CNTNAP2: variants seen among roughly 807,000 people sequenced by gnomAD.
CNTNAP2 encodes contactin associated protein 2.
In CNTNAP2, 98 loss-of-function variants were observed where a neutral mutation model predicts 155.2. That is an observed-to-expected ratio of 0.63 (90% confidence interval 0.54 to 0.75). The LOEUF is 0.75. Ranked by LOEUF, CNTNAP2 falls within the 30% of genes least tolerant of loss-of-function variation. The pLI, the probability that CNTNAP2 is intolerant of heterozygous loss-of-function variation, is 0.00. For missense variants in CNTNAP2, 1,727 were observed against 1,688.1 expected (o/e 1.02, Z -0.40); for synonymous variants, 651 against 631.2 (o/e 1.03, Z -0.47).
At chr7:146,980,210 G>C (rs996369603) in intron 3 of CNTNAP2, among the ~76,000 whole-genome samples, 1 of 151,862 alleles carries the variant, frequency 6.6e-6, no homozygotes, top group African/African-American at 2.4e-5. Context: ...GTTGGTGGGG[G>C]TTACCTATGT....
chr7:146,675,557 T>C (rs530083717), intron 1 of CNTNAP2, among the ~76,000 whole-genome samples: 3 of 152,270 alleles, frequency 2.0e-5, no homozygotes, highest in Non-Finnish European at 4.4e-5. Context: ...TGAAACAAAA[T>C]AAGTATTCAG....
intron 15 of CNTNAP2, among the ~76,000 whole-genome samples, chr7:148,090,384 T>C (rs1364266762): frequency 6.6e-6 from 1 of 152,030 alleles, no homozygotes; most frequent in Non-Finnish European, 1.5e-5. Flanking sequence ...GTCCAAAAGG[T>C]ATAAGGAATT....
intron 10 of CNTNAP2, among the ~76,000 whole-genome samples, chr7:147,416,406 A>G (rs890654625): frequency 1.3e-5 from 2 of 152,162 alleles, no homozygotes; most frequent in Non-Finnish European, 2.9e-5. Flanking sequence ...CTCCACATTG[A>G]GCCAATAAAG....
At chr7:147,815,464 T>C (rs1239089843) in intron 13 of CNTNAP2, among the ~76,000 whole-genome samples, 1 of 151,896 alleles carries the variant, frequency 6.6e-6, no homozygotes, top group African/African-American at 2.4e-5. Context: ...GGCCCCGACA[T>C]CTCAGAGCCA....
chr7:146,850,280 T>C (rs555633599), intron 3 of CNTNAP2, among the ~76,000 whole-genome samples: 3 of 152,338 alleles, frequency 2.0e-5, no homozygotes, highest in Admixed American at 1.3e-4. Context: ...GAGATAAGTA[T>C]CTGCATTTCT....
intron 15 of CNTNAP2, among the ~76,000 whole-genome samples, chr7:148,015,604 G>A (rs1191353908): frequency 6.6e-6 from 1 of 152,176 alleles, no homozygotes; most frequent in South Asian, 2.1e-4. Context: ...TGTATCCAGT[G>A]TGCTAACTGA....
chr7:146,643,656 T>C (rs1419715216), intron 1 of CNTNAP2, among the ~76,000 whole-genome samples: 1 of 152,182 alleles, frequency 6.6e-6, no homozygotes, highest in African/African-American at 2.4e-5. Context: ...CTTTTTTTGG[T>C]TCCATATGAA....
chr7:147,469,732 A>T (rs185554963), intron 10 of CNTNAP2, among the ~76,000 whole-genome samples: 12 of 151,610 alleles, frequency 7.9e-5, no homozygotes, highest in Admixed American at 4.6e-4. Context: ...GTTAGCCAGG[A>T]TGATCTCGAT....
intron 1 of CNTNAP2, among the ~76,000 whole-genome samples, chr7:146,578,086 C>T (rs886357490): frequency 6.6e-6 from 1 of 152,014 alleles, no homozygotes; most frequent in African/African-American, 2.4e-5. Context: ...TTATTTGTTC[C>T]TAATTTCTTT....
chr7:147,472,133 C>G (rs940975416), intron 10 of CNTNAP2, among the ~76,000 whole-genome samples: 2 of 150,442 alleles, frequency 1.3e-5, no homozygotes, highest in Non-Finnish European at 3.0e-5. Context: ...GGTAGCAGAT[C>G]ATGCAAAAAC....
rs76180010 is a variant in CNTNAP2 at position 147,625,718 on chromosome 7, C to G, written c.1898-13388C>G. ...AGACTCACACTGTGATCTGTTGCTC[C>G]AAGAACCAACAAAGGAACATACCAG... On this transcript the variant is annotated intron_variant, in intron 12 of 23. Coordinates refer to ENST00000361727, the MANE Select transcript of CNTNAP2 (RefSeq NM_014141.6). 4.7e-4 allele frequency among the ~76,000 whole-genome samples: 71 copies of G among 152,214 alleles called. No homozygotes were observed. In the East Asian group the frequency reaches 0.014, roughly 29 times the overall value.
At chr7:147,176,570 TG>T (rs1217904973) in intron 8 of CNTNAP2, among the ~76,000 whole-genome samples, 1 of 148,206 alleles carries the variant, frequency 6.7e-6, no homozygotes, top group Non-Finnish European at 1.5e-5. Flanking sequence ...ACTAGTTTTG[TG>T]AAATAAACAA....
At chr7:147,098,349 C>T (rs1800587254) in intron 4 of CNTNAP2, among the ~76,000 whole-genome samples, 1 of 152,158 alleles carries the variant, frequency 6.6e-6, no homozygotes, top group African/African-American at 2.4e-5. Context: ...AACAACTGAG[C>T]GTTTTTAGAA....
chr7:147,294,095 C>A (rs1009730084), intron 8 of CNTNAP2, among the ~76,000 whole-genome samples: 2 of 152,078 alleles, frequency 1.3e-5, no homozygotes, highest in Non-Finnish European at 2.9e-5. Flanking sequence ...CATACCACAC[C>A]GGGTTCCAAT....
In CNTNAP2 at chr7:148,176,261, G is replaced by A. The variant is rs1230955704; in HGVS notation, c.3010+3783G>A. On this transcript the variant is annotated intron_variant, in intron 18 of 23. Coordinates refer to ENST00000361727, the MANE Select transcript of CNTNAP2 (RefSeq NM_014141.6). ...TTTGAGATGGAGTTTCTCTCTTGTC[G>A]CCCAGACTGGAGTGCAGTGGCACAA... Among the ~76,000 whole-genome samples, 7 of 111,572 alleles carry A rather than the reference G, an allele frequency of 6.3e-5. No individual in the cohort carries two copies. In the East Asian group the frequency reaches 1.5e-3, roughly 24 times the overall value. 73.2% of individuals were successfully genotyped at this position (111,572 alleles called of 152,430 possible).
intron 13 of CNTNAP2, among the ~76,000 whole-genome samples, chr7:147,655,587 G>A (rs1314815330): frequency 6.6e-6 from 1 of 152,172 alleles, no homozygotes; most frequent in African/African-American, 2.4e-5. Context: ...ATTTTGAAAG[G>A]AATATTTATT....
At chr7:147,756,713 T>C (rs1797217982) in intron 13 of CNTNAP2, among the ~76,000 whole-genome samples, 1 of 152,224 alleles carries the variant, frequency 6.6e-6, no homozygotes, top group Non-Finnish European at 1.5e-5. Flanking sequence ...AAGGGACTCC[T>C]TCCTCTAAGA....
intron 1 of CNTNAP2, among the ~76,000 whole-genome samples, chr7:146,306,334 C>T (rs1800712020): frequency 6.6e-6 from 1 of 152,148 alleles, no homozygotes; most frequent in Non-Finnish European, 1.5e-5. Flanking sequence ...GGAGCTGGTA[C>T]CATTCCTTCT....
intron 10 of CNTNAP2, among the ~76,000 whole-genome samples, chr7:147,410,456 G>A (rs542048701): frequency 6.6e-6 from 1 of 152,136 alleles, no homozygotes; most frequent in Non-Finnish European, 1.5e-5. Context: ...TCATTACCTA[G>A]GTGATGAAAT....
Sources: gnomAD v4.1 joint callset for allele counts (sites outside exome capture counted in the v4.1 genomes callset) on GRCh38, gnomAD v4.1.1 for gene constraint, MANE v1.5 for transcripts, NCBI Gene and HGNC (gene_info 2026-07-23, HGNC 2026-07-21) for gene names.